PRPF40B: variants seen among roughly 807,000 people sequenced by gnomAD.
The protein encoded by PRPF40B is pre-mRNA-processing factor 40 homolog B.
A neutral mutation model predicts 124.5 loss-of-function variants in PRPF40B; 56 were observed. The ratio of observed to expected loss-of-function variants is 0.45; its 90% CI spans 0.36 to 0.56. The LOEUF is 0.56. Among genes scored for constraint, PRPF40B ranks in the 20% least tolerant of loss-of-function variants. The probability of loss-of-function intolerance (pLI) is 0.00; values close to 1 mark genes in which losing one functional copy is unlikely to be tolerated. For synonymous variants in PRPF40B, 443 were observed against 426.4 expected, an observed-to-expected ratio of 1.04 and a Z score of -0.48; for missense variants, 1,053 against 1,169.5, an observed-to-expected ratio of 0.90 and a Z score of 1.45.
chr12:49,637,253 C>T (rs1388139441), intron 16 of PRPF40B: 5 of 586,576 alleles, frequency 8.5e-6, no homozygotes, highest in Non-Finnish European at 1.5e-5. Flanking sequence ...GGCTTGTTCT[C>T]ACCTTTTTGT....
At chr12:49,633,749 AG>A in intron 9 of PRPF40B, 88 bp downstream of exon 9, 1 of 1,607,702 alleles carries the variant, frequency 6.2e-7, no homozygotes. Context: ...ACACTGTGGG[AG>A]GAAGAGCCAG....
Position 49,625,117 on chromosome 12 carries a change from C to T in PRPF40B, c.3+1524C>T, listed in dbSNP as rs149399801. ...CTTCAGGAAGTGGGAATGAGTCAGA[C>T]CAAGCAGACCTTGGGAACACCTGGC... On this transcript the variant is annotated intron_variant, in intron 1 of 25. Coordinates refer to ENST00000548825, the MANE Select transcript of PRPF40B (RefSeq NM_001031698.3). Among the ~76,000 whole-genome samples, 521 of 152,144 alleles carry T rather than the reference C, an allele frequency of 3.4e-3. 6 individuals are homozygous for T. Among genetic ancestry groups the T allele is most frequent in the Non-Finnish European group, 3.2e-3 (219 of 68,000 alleles).
At chr12:49,633,576 A>C (rs2138477233) in intron 8 of PRPF40B, 29 bp downstream of exon 8, 1 of 1,614,248 alleles carries the variant, frequency 6.2e-7, no homozygotes, top group Non-Finnish European at 8.5e-7. Flanking sequence ...GGGCCAGGTC[A>C]GGAGCTCTGG....
chr12:49,624,213 T>G (rs1326516959), intron 1 of PRPF40B: 1 of 966,756 alleles, frequency 1.0e-6, no homozygotes, highest in Non-Finnish European at 1.2e-6. Flanking sequence ...TCCCATCAAT[T>G]TTTTTAAAAA....
chr12:49,642,205 G>T lies in PRPF40B; in HGVS notation c.1885-30G>T. 1 of 1,614,048 alleles carries T rather than the reference G, an allele frequency of 6.2e-7. No individual in the cohort carries two copies. The highest frequency in any genetic ancestry group is 1.1e-5 in the South Asian group (1 of 91,068). ...GGACCTGGCATCCACCCTCCTGGGTGACCCTGTTCCGTGTCCCTTCTTTCC... is the reference window on the plus strand; with the variant it reads ...GGACCTGGCATCCACCCTCCTGGGTTACCCTGTTCCGTGTCCCTTCTTTCC... On this transcript the variant is annotated intron_variant, in intron 19 of 25. Transcript: ENST00000548825. The surrounding 1 kb of genome is among the most constrained non-coding windows in gnomAD (Gnocchi z 5.8).
At position 49,631,660 on chromosome 12, in the gene PRPF40B, A is replaced by G. The variant is rs760211352; in HGVS notation, c.228+116A>G. 8.4e-5 allele frequency: 115 copies of G among 1,370,014 alleles called. No individual in the cohort carries two copies. The Middle Eastern group carries it at 9.3e-4, about 11-fold the overall frequency. 84.9% of individuals were successfully genotyped at this position (1,370,014 alleles called of 1,614,324 possible). ...GGGGAAGGAAGGGAGCTTTGGGCCA[A>G]ACCCATGTGGATTTGTCTGCTGAAT... On this transcript the variant is annotated intron_variant, in intron 3 of 25. Coordinates refer to ENST00000548825, the MANE Select transcript of PRPF40B (RefSeq NM_001031698.3). This position sits in a 1 kb window ranked among gnomAD's most constrained non-coding sequence, Gnocchi z 4.3.
In PRPF40B at chr12:49,635,176, A is replaced by G; in HGVS notation, c.1079A>G (p.Glu360Gly). The G allele has an allele frequency of 6.2e-7, 1 of 1,614,126 alleles. No individual in the cohort carries two copies. The highest frequency in any genetic ancestry group is 8.5e-7 in the Non-Finnish European group (1 of 1,180,032). Residue 360 changes from glutamate to glycine, a missense_variant, in exon 13 of 26, where the codon GAG becomes GGG. Glu to Gly is a moderately conservative substitution (Grantham distance 98, BLOSUM62 -2). This residue lies in a region of PRPF40B where 895 missense variants were observed against 1,052.2 expected (regional missense o/e 0.85). Transcript: ENST00000548825. This position sits in a 1 kb window ranked among gnomAD's most constrained non-coding sequence, Gnocchi z 4.1. ...KAQREKEEKE[E>G]ARLRAKEAKQ... ...CAGCGGGAGAAGGAGGAGAAGGAGGAGGCCCGGCTAAGGGCCAAAGAGGCC... is the reference window on the plus strand; with the variant it reads ...CAGCGGGAGAAGGAGGAGAAGGAGGGGGCCCGGCTAAGGGCCAAAGAGGCC...
chr12:49,627,201 T>C (rs904802872), intron 1 of PRPF40B, among the ~76,000 whole-genome samples: 3 of 152,244 alleles, frequency 2.0e-5, no homozygotes, highest in African/African-American at 7.2e-5. Context: ...TTTCATTAAT[T>C]CTGAGACTCA....
Position 49,635,974 on chromosome 12 carries a change from T to A in PRPF40B, c.1407T>A (p.Ala469=). 6.2e-7 allele frequency: 1 copy of A among 1,614,088 alleles called. No homozygotes were observed. Among genetic ancestry groups the A allele is most frequent in the East Asian group, 2.2e-5 (1 of 44,884 alleles). The stretch of plus-strand genomic sequence containing the variant: ...ACCTCATGGATAACCCCAGCTTTGC[T>A]CAGGACCATCAGCTGCAGAGTAAGC... ...QQYLMDNPSF[A]QDHQLQNMDK... The change falls in exon 15 of 26, where the codon GCT becomes GCA. Residue 469 remains alanine (A), a synonymous_variant. Transcript: ENST00000548825. This position sits in a 1 kb window ranked among gnomAD's most constrained non-coding sequence, Gnocchi z 4.1.
intron 1 of PRPF40B, among the ~76,000 whole-genome samples, chr12:49,624,616 G>C (rs1312727637): frequency 1.3e-5 from 2 of 152,204 alleles, no homozygotes; most frequent in Non-Finnish European, 2.9e-5. Flanking sequence ...TTGGGAGGCC[G>C]AGGCGGGCGA....
chr12:49,639,038 CCTCT>C (rs1942242872), intron 18 of PRPF40B: 1 of 152,134 alleles, frequency 6.6e-6, no homozygotes, highest in African/African-American at 2.4e-5. Flanking sequence ...CCTGAGGTAT[CCTCT>C]CTTTCTCTGG....
At chr12:49,634,681 C>A (rs1317191294) in intron 12 of PRPF40B, 79 bp downstream of exon 12, 2 of 1,563,226 alleles carry the variant, frequency 1.3e-6, no homozygotes, top group Admixed American at 1.7e-5. Flanking sequence ...CCCAGCTCAA[C>A]ACTCAGCCCT....
chr12:49,637,869 GCA>G, intron 18 of PRPF40B, 45 bp downstream of exon 18: 1 of 1,486,320 alleles, frequency 6.7e-7, no homozygotes, highest in East Asian at 2.3e-5. Flanking sequence ...TGGATGCAGG[GCA>G]CACTCCCTGC....
rs939651760 is a variant in PRPF40B, at chr12:49,634,470, C to T, written c.936+15C>T. 3 of 1,614,096 alleles carry T rather than the reference C, an allele frequency of 1.9e-6. No individual in the cohort carries two copies. The highest frequency in any genetic ancestry group is 2.2e-5 in the South Asian group (2 of 91,084). Reference sequence around the variant, plus strand: ...TGAGGGACAAGGTGCTGGAGTGGGGCTCCCAGGGAAGGTTTGGAGGGGGCT... The same window carrying T: ...TGAGGGACAAGGTGCTGGAGTGGGGTTCCCAGGGAAGGTTTGGAGGGGGCT... On this transcript the variant is annotated intron_variant, in intron 11 of 25. Transcript: ENST00000548825.
Position 49,630,567 on chromosome 12 carries a change from G to A in PRPF40B, c.26G>A (p.Arg9Gln), listed in dbSNP as rs1476951271. The change falls in exon 2 of 26, where the codon CGG (arginine) becomes CAG (glutamine). Residue 9 changes from arginine (R) to glutamine (Q), a missense_variant. Around this residue, in one of 2 missense-constraint regions of PRPF40B, gnomAD observed 158 missense variants for 117.3 expected, o/e 1.35. Coordinates refer to ENST00000548825, the MANE Select transcript of PRPF40B (RefSeq NM_001031698.3). Reference protein sequence around the residue: MSVPDSGPRPPAAPAPFPP... With the variant: MSVPDSGPQPPAAPAPFPP... ...CAGTCGGTTCCCGATTCTGGTCCCC[G>A]GCCCCCAGCAGCGCCTGCCCCCTTC... 2.9e-6 allele frequency: 4 copies of A among 1,402,668 alleles called. No individual in the cohort carries two copies. The highest frequency in any genetic ancestry group is 1.7e-5 in the Admixed American group (1 of 57,386). 86.9% of individuals were successfully genotyped at this position (1,402,668 alleles called of 1,614,324 possible).
intron 18 of PRPF40B, 116 bp from the exon 19 acceptor site, chr12:49,641,792 G>A (rs1942689719): frequency 1.2e-6 from 1 of 803,418 alleles, no homozygotes; most frequent in Non-Finnish European, 2.1e-6. Flanking sequence ...CCACAGTCCT[G>A]TGGATCTCTT....
intron 1 of PRPF40B, 85 bp from the exon 2 acceptor site, chr12:49,630,460 C>T: frequency 1.4e-6 from 1 of 719,016 alleles, no homozygotes; most frequent in Non-Finnish European, 2.5e-6. Flanking sequence ...GCTCCTTTTT[C>T]ATCCTCACCA....
At chr12:49,634,821 A>C (rs962529976) in intron 12 of PRPF40B, 28 of 645,408 alleles carry the variant, frequency 4.3e-5, no homozygotes, top group Middle Eastern at 4.2e-4. Flanking sequence ...CCTGAATTGA[A>C]TCAAACGGAA....
At chr12:49,628,587 G>A (rs1801540832) in intron 1 of PRPF40B, among the ~76,000 whole-genome samples, 1 of 139,052 alleles carries the variant, frequency 7.2e-6, no homozygotes, top group African/African-American at 2.7e-5. Flanking sequence ...TTTTGGAGAC[G>A]AAATCTCGCT....
Sources: allele counts gnomAD v4.1 joint callset (sites outside exome capture counted in the v4.1 genomes callset), GRCh38; gene constraint gnomAD v4.1.1; regional missense constraint gnomAD v4.1.1; non-coding constraint Gnocchi (gnomAD v3.1); transcripts MANE v1.5; gene names NCBI Gene and HGNC (gene_info 2026-07-23, HGNC 2026-07-21).